Variants in WWOX observed in about 807,000 individuals in gnomAD.
WWOX encodes the protein WW domain-containing oxidoreductase.
In WWOX, 69 loss-of-function variants were observed where a neutral mutation model predicts 46.2. The ratio of observed to expected loss-of-function variants is 1.49; its 90% CI spans 1.23 to 1.82. WWOX has a LOEUF of 1.82. Ranked by LOEUF, WWOX falls within the 40% of genes most tolerant of loss-of-function variation. WWOX has a pLI of 0.00. For missense variants in WWOX, 919 were observed against 542.6 expected (o/e 1.69, Z -6.89); for synonymous variants, 359 against 202.6 (o/e 1.77, Z -6.56).
chr16:79,175,513 A>C (rs2050782792), intron 8 of WWOX, among the ~76,000 whole-genome samples: 1 of 152,184 alleles, frequency 6.6e-6, no homozygotes, highest in Non-Finnish European at 1.5e-5. Flanking sequence ...CGTGGATATT[A>C]CTAGGTAGAT....
chr16:78,442,918 T>A (rs540814989), intron 8 of WWOX, among the ~76,000 whole-genome samples: 1 of 151,932 alleles, frequency 6.6e-6, no homozygotes, highest in South Asian at 2.1e-4. Context: ...GTCAGGAGAT[T>A]GAGACCATCC....
chr16:78,107,687 T>C (rs1454948767), intron 1 of WWOX, among the ~76,000 whole-genome samples: 1 of 152,140 alleles, frequency 6.6e-6, no homozygotes, highest in East Asian at 1.9e-4. Flanking sequence ...ATAAACATTT[T>C]AGCTGGGCAA....
At chr16:78,359,101 C>G (rs186772927) in intron 5 of WWOX, among the ~76,000 whole-genome samples, 1 of 152,142 alleles carries the variant, frequency 6.6e-6, no homozygotes, top group African/African-American at 2.4e-5. Flanking sequence ...GAGAAAGCTT[C>G]TTCCCATATA....
chr16:79,144,050 T>C (rs765843615), intron 8 of WWOX, among the ~76,000 whole-genome samples: 2 of 152,128 alleles, frequency 1.3e-5, no homozygotes, highest in African/African-American at 2.4e-5. Flanking sequence ...GGCACAGGCC[T>C]CCATACCCAG....
chr16:78,450,214 G>A (rs2083660631), intron 8 of WWOX, among the ~76,000 whole-genome samples: 1 of 152,016 alleles, frequency 6.6e-6, no homozygotes, highest in African/African-American at 2.4e-5. Context: ...TTCTTCACAT[G>A]GCACCTTGTG....
At chr16:78,476,311 G>T (rs771397274) in intron 8 of WWOX, among the ~76,000 whole-genome samples, 10 of 152,114 alleles carry the variant, frequency 6.6e-5, no homozygotes, top group Non-Finnish European at 1.0e-4. Context: ...GCCCACTTGG[G>T]TGGATGAAGC....
chr16:78,647,846 TG>T (rs1439221149), intron 8 of WWOX, among the ~76,000 whole-genome samples: 2 of 152,188 alleles, frequency 1.3e-5, no homozygotes, highest in African/African-American at 4.8e-5. Flanking sequence ...TTTCTGGCTT[TG>T]GGGGATCCCA....
At chr16:78,420,885 A>G (rs990564411) in intron 6 of WWOX, among the ~76,000 whole-genome samples, 33 of 152,276 alleles carry the variant, frequency 2.2e-4, no homozygotes, top group Non-Finnish European at 4.4e-4. Flanking sequence ...TCCTGACTGT[A>G]TATCTGGAAA....
chr16:78,619,255 T>C (rs1276581579), intron 8 of WWOX, among the ~76,000 whole-genome samples: 1 of 113,490 alleles, frequency 8.8e-6, no homozygotes, highest in Non-Finnish European at 1.7e-5. Flanking sequence ...TCCCAGCTAC[T>C]TGGGAGGCTG....
At chr16:78,829,124 A>G (rs74031705) in intron 8 of WWOX, among the ~76,000 whole-genome samples, 9 of 144,090 alleles carry the variant, frequency 6.2e-5, no homozygotes, top group African/African-American at 2.4e-4. Flanking sequence ...GGATGGATGG[A>G]TGGATGGAGA....
At chr16:78,421,581 A>G (rs6564548) in intron 6 of WWOX, among the ~76,000 whole-genome samples, 17,087 of 152,144 alleles carry the variant, frequency 0.11, 2,827 homozygotes, top group African/African-American at 0.37. Flanking sequence ...AAGCAATGGG[A>G]TGGGAGGTAC....
intron 8 of WWOX, among the ~76,000 whole-genome samples, chr16:79,069,655 TAAAG>T (rs566863406): frequency 2.9e-4 from 43 of 149,730 alleles, no homozygotes; most frequent in Non-Finnish European, 4.4e-4. Context: ...TGAAAAAAAA[TAAAG>T]AAAACATCTA....
chr16:78,978,150 C>T (rs993483655), intron 8 of WWOX, among the ~76,000 whole-genome samples: 3 of 152,204 alleles, frequency 2.0e-5, no homozygotes, highest in African/African-American at 4.8e-5. Flanking sequence ...GGTTGACCCA[C>T]ATTGTGGCAT....
At chr16:78,383,728 C>T (rs2082003191) in intron 5 of WWOX, among the ~76,000 whole-genome samples, 1 of 152,160 alleles carries the variant, frequency 6.6e-6, no homozygotes, top group Non-Finnish European at 1.5e-5. Context: ...TACTGTATTG[C>T]CTCCAGTTTC....
intron 8 of WWOX, among the ~76,000 whole-genome samples, chr16:78,536,517 ATTGT>A (rs1328813548): frequency 6.6e-6 from 1 of 152,012 alleles, no homozygotes; most frequent in Non-Finnish European, 1.5e-5. Context: ...AAGTCCGCTG[ATTGT>A]TTTTCTCTTG....
intron 4 of WWOX, among the ~76,000 whole-genome samples, chr16:78,135,157 G>A (rs184955587): frequency 3.0e-4 from 46 of 152,306 alleles, no homozygotes; most frequent in African/African-American, 9.1e-4. Context: ...CAGGCTTCCC[G>A]TCTTGGGATG....
intron 4 of WWOX, among the ~76,000 whole-genome samples, chr16:78,158,184 G>T (rs1475596312): frequency 6.6e-6 from 1 of 152,202 alleles, no homozygotes; most frequent in Non-Finnish European, 1.5e-5. Flanking sequence ...TGATATGAAT[G>T]AATGAACTTT....
intron 8 of WWOX, among the ~76,000 whole-genome samples, chr16:78,704,415 A>C (rs1464096268): frequency 6.6e-6 from 1 of 152,180 alleles, no homozygotes; most frequent in African/African-American, 2.4e-5. Flanking sequence ...TGCACAATAC[A>C]TGTAGTGCCA....
chr16:78,337,257 T>C (rs958773825), intron 5 of WWOX, among the ~76,000 whole-genome samples: 1 of 152,156 alleles, frequency 6.6e-6, no homozygotes, highest in South Asian at 2.1e-4. Context: ...ACAGAATCTT[T>C]TGAAGGTGGT....
Sources: gnomAD v4.1 joint callset for allele counts (sites outside exome capture counted in the v4.1 genomes callset) on GRCh38, gnomAD v4.1.1 for gene constraint, MANE v1.5 for transcripts, NCBI Gene and HGNC (gene_info 2026-07-23, HGNC 2026-07-21) for gene names.